INTS6: variants seen among roughly 807,000 people sequenced by gnomAD.
The protein encoded by INTS6 is integrator complex subunit 6.
A neutral mutation model predicts 104.9 loss-of-function variants in INTS6; 16 were observed. The ratio of observed to expected loss-of-function variants is 0.15; its 90% confidence interval spans 0.10 to 0.23. The LOEUF (loss-of-function observed/expected upper bound fraction) is 0.23, where lower values mean the gene tolerates loss of function less well. Among genes scored for constraint, INTS6 ranks in the 10% least tolerant of loss-of-function variants. INTS6 has a pLI of 1.00. For missense variants in INTS6, 584 were observed against 1,062.8 expected (o/e 0.55, Z 6.26); for synonymous variants, 324 against 358.7 (o/e 0.90, Z 1.09).
intron 7 of INTS6, chr13:51,384,900 TG>T (rs1282842025): frequency 8.6e-6 from 3 of 348,250 alleles, no homozygotes; most frequent in African/African-American, 4.3e-5. Context: ...CTTTTTGCTT[TG>T]TTTAGTTTCT....
At chr13:51,357,517 C>T (rs966127027), downstream of INTS6, among the ~76,000 whole-genome samples, 3 of 152,102 alleles carry the variant, frequency 2.0e-5, no homozygotes, top group Admixed American at 6.6e-5. Flanking sequence ...TTTGGCCTTT[C>T]GGTCCCAAAG....
At chr13:51,378,896 C>T (rs1196636839) in intron 11 of INTS6, among the ~76,000 whole-genome samples, 1 of 151,994 alleles carries the variant, frequency 6.6e-6, no homozygotes, top group Non-Finnish European at 1.5e-5. Flanking sequence ...AATGTTTTGA[C>T]TCCTCCCAAA....
At chr13:51,444,206 TC>T (rs1358609656) in intron 3 of INTS6, 3 of 149,320 alleles carry the variant, frequency 2.0e-5, no homozygotes, top group Non-Finnish European at 4.4e-5. Flanking sequence ...ACTCCAGGAG[TC>T]CTGAGTAGCT....
chr13:51,345,284 T>C, the INTS6 span, among the ~76,000 whole-genome samples: 1 of 152,114 alleles, frequency 6.6e-6, no homozygotes, highest in Non-Finnish European at 1.5e-5. Flanking sequence ...TCCTTGATCA[T>C]TTCAAAAGTT....
At chr13:51,440,829 C>G (rs1952783674) in intron 3 of INTS6, 1 of 152,200 alleles carries the variant, frequency 6.6e-6, no homozygotes, top group Non-Finnish European at 1.5e-5. Context: ...GTTCCCACAA[C>G]AGATCTGCCT....
chr13:51,346,773 C>T, the INTS6 span, among the ~76,000 whole-genome samples: 1 of 152,188 alleles, frequency 6.6e-6, no homozygotes, highest in African/African-American at 2.4e-5. Context: ...GACCATATCG[C>T]TCAACAGTCC....
intron 4 of INTS6, chr13:51,421,086 A>C: frequency 2.1e-6 from 2 of 949,218 alleles, no homozygotes; most frequent in Non-Finnish European, 2.5e-6. Flanking sequence ...TAGCCCCCAG[A>C]GAGAACTACA....
At chr13:51,413,393 T>C (rs572407303) in intron 4 of INTS6, among the ~76,000 whole-genome samples, 18 of 152,254 alleles carry the variant, frequency 1.2e-4, no homozygotes, top group East Asian at 5.8e-4. Flanking sequence ...ATTAGGGGTC[T>C]CTCCTTTTTG....
intron 15 of INTS6, among the ~76,000 whole-genome samples, chr13:51,370,905 G>A (rs983612524): frequency 4.6e-5 from 7 of 152,104 alleles, no homozygotes; most frequent in Non-Finnish European, 1.0e-4. Context: ...CTATTCCCTA[G>A]CTCAGAACTC....
At chr13:51,421,429 T>C (rs1206462614) in intron 4 of INTS6, 1 of 382,826 alleles carries the variant, frequency 2.6e-6, no homozygotes. Context: ...GGGAAAAATA[T>C]ACCAAAACAG....
At chr13:51,423,151 G>T in intron 4 of INTS6, 2 of 738,482 alleles carry the variant, frequency 2.7e-6, no homozygotes, top group Non-Finnish European at 3.8e-6. Context: ...CTTATACACA[G>T]CCAAAGTAAC....
Position 51,374,779 on chromosome 13 carries a change from G to C in INTS6, c.1747C>G (p.Pro583Ala). 1.2e-6 allele frequency: 2 copies of C among 1,613,278 alleles called. No homozygotes were observed. The highest frequency in any genetic ancestry group is 1.3e-5 in the African/African-American group (1 of 74,992). Residue 583 changes from proline to alanine, a missense_variant, in exon 14 of 18, where the codon CCT (proline) becomes GCT (alanine). Physicochemically the swap from Pro to Ala is conservative, Grantham distance 27. Around this residue, in one of 5 missense-constraint regions of INTS6, gnomAD observed 296 missense variants for 437.0 expected, o/e 0.68. Coordinates refer to ENST00000311234, the MANE Select transcript of INTS6 (RefSeq NM_012141.3). ...TGGTAGTTCCCCATTTGTGCTATAG[G>C]AACACTGTGCACTTGATCTTTCAAA... The part of the protein sequence containing the change: ...GQDEDQVHSV[P>A]IAQMGNYQEY...
At chr13:51,407,815 G>A (rs1214796650) in intron 4 of INTS6, among the ~76,000 whole-genome samples, 3 of 151,970 alleles carry the variant, frequency 2.0e-5, no homozygotes, top group African/African-American at 7.2e-5. Flanking sequence ...CCAGGAGTTT[G>A]AGACCAGTCT....
intron 3 of INTS6, chr13:51,355,172 T>A: frequency 8.7e-7 from 1 of 1,143,790 alleles, no homozygotes; most frequent in Non-Finnish European, 1.3e-6. Context: ...CCAAACGTTC[T>A]AGCCGTGTAT....
chr13:51,410,760 G>C (rs893462523), intron 4 of INTS6, among the ~76,000 whole-genome samples: 3 of 152,150 alleles, frequency 2.0e-5, no homozygotes, highest in Non-Finnish European at 4.4e-5. Context: ...TAAAGACTGG[G>C]AGAAAGTATT....
chr13:51,407,324 T>G (rs1213351836), intron 4 of INTS6, among the ~76,000 whole-genome samples: 3 of 152,176 alleles, frequency 2.0e-5, no homozygotes, highest in Non-Finnish European at 2.9e-5. Flanking sequence ...GGCTAAGTTG[T>G]GAAGGGCACT....
chr13:51,408,546 AT>A (rs1956619824), intron 4 of INTS6, among the ~76,000 whole-genome samples: 1 of 152,182 alleles, frequency 6.6e-6, no homozygotes, highest in Admixed American at 6.5e-5. Flanking sequence ...GAGAGCCATT[AT>A]TTTTCCAGGT....
the INTS6 span, among the ~76,000 whole-genome samples, chr13:51,335,060 G>T: frequency 6.6e-6 from 1 of 151,794 alleles, no homozygotes; most frequent in South Asian, 2.1e-4. Context: ...ATTGACAATG[G>T]AATGGAGAAG....
At chr13:51,392,225 C>A (rs893953775) in intron 5 of INTS6, among the ~76,000 whole-genome samples, 2 of 152,222 alleles carry the variant, frequency 1.3e-5, no homozygotes, top group African/African-American at 2.4e-5. Context: ...CAAAAGGCTT[C>A]ACATCATACT....
Sources: allele counts gnomAD v4.1 joint callset (sites outside exome capture counted in the v4.1 genomes callset), GRCh38; gene constraint gnomAD v4.1.1; regional missense constraint gnomAD v4.1.1; transcripts MANE v1.5; gene names NCBI Gene and HGNC (gene_info 2026-07-23, HGNC 2026-07-21).